The following RBFOX1 variants were observed in gnomAD, a reference collection of about 807,000 sequenced individuals.
The protein encoded by RBFOX1 is RNA binding fox-1 homolog 1, also known as RNA binding protein fox-1 homolog 1.
A neutral mutation model predicts 57.7 loss-of-function variants in RBFOX1; 8 were observed. The ratio of observed to expected loss-of-function variants is 0.14; its 90% CI spans 0.08 to 0.25. The LOEUF is 0.25. Among genes scored for constraint, RBFOX1 ranks in the 10% least tolerant of loss-of-function variants. RBFOX1 has a pLI of 1.00. For synonymous variants in RBFOX1, 326 were observed against 222.4 expected (o/e 1.47, Z -4.15); for missense variants, 611 against 548.5 (o/e 1.11, Z -1.14).
chr16:6,409,976 G>C (rs956884166), intron 2 of RBFOX1, among the ~76,000 whole-genome samples: 12 of 152,064 alleles, frequency 7.9e-5, no homozygotes, highest in Non-Finnish European at 1.8e-4. Flanking sequence ...CACTGCCAGA[G>C]GCTGCTTGCT....
chr16:6,972,975 A>T (rs1327430620), intron 3 of RBFOX1, among the ~76,000 whole-genome samples: 2 of 152,000 alleles, frequency 1.3e-5, no homozygotes, highest in Non-Finnish European at 1.5e-5. Context: ...AATACAAATA[A>T]AAATAGTTAG....
At chr16:6,831,035 AT>A (rs2092671578) in intron 3 of RBFOX1, among the ~76,000 whole-genome samples, 1 of 152,176 alleles carries the variant, frequency 6.6e-6, no homozygotes, top group Admixed American at 6.5e-5. Flanking sequence ...TTCCCAATTG[AT>A]CTCACTCTTT....
At chr16:5,653,416 T>G (rs1301114364) in intron 3 of RBFOX1, among the ~76,000 whole-genome samples, 1 of 145,496 alleles carries the variant, frequency 6.9e-6, no homozygotes, top group Admixed American at 6.8e-5. Context: ...TGTGCTGGGT[T>G]TCTTTGAGGC....
At chr16:5,665,381 C>T (rs1345795970) in intron 3 of RBFOX1, among the ~76,000 whole-genome samples, 3 of 151,008 alleles carry the variant, frequency 2.0e-5, no homozygotes, top group East Asian at 4.0e-4. Flanking sequence ...ATCTTATGGG[C>T]CTTCTCTGGC....
At chr16:5,621,440 G>A (rs182155394) in intron 3 of RBFOX1, among the ~76,000 whole-genome samples, 6 of 152,236 alleles carry the variant, frequency 3.9e-5, no homozygotes, top group African/African-American at 4.8e-5. Context: ...AATTTGTGTC[G>A]TCTTGACAAT....
At chr16:5,864,108 T>C (rs1268453652) in intron 3 of RBFOX1, among the ~76,000 whole-genome samples, 1 of 152,164 alleles carries the variant, frequency 6.6e-6, no homozygotes, top group Non-Finnish European at 1.5e-5. Flanking sequence ...TATGTGTCCA[T>C]GTGCTCTCAT....
At chr16:7,333,605 G>C (rs1281850802) in intron 4 of RBFOX1, among the ~76,000 whole-genome samples, 1 of 152,158 alleles carries the variant, frequency 6.6e-6, no homozygotes, top group Non-Finnish European at 1.5e-5. Context: ...CTCTATTGAT[G>C]GGTAATTTAT....
chr16:6,169,068 G>A (rs570670130), intron 1 of RBFOX1, among the ~76,000 whole-genome samples: 28 of 152,194 alleles, frequency 1.8e-4, no homozygotes, highest in Admixed American at 5.9e-4. Context: ...TTATCACTTC[G>A]TTTAGCCACA....
intron 1 of RBFOX1, among the ~76,000 whole-genome samples, chr16:6,291,170 G>T (rs1325296059): frequency 6.6e-6 from 1 of 152,100 alleles, no homozygotes; most frequent in African/African-American, 2.4e-5. Context: ...ACTGCAACCT[G>T]TTTTATCAGC....
chr16:5,341,032 C>T (rs1314895485), intron 1 of RBFOX1, among the ~76,000 whole-genome samples: 2 of 152,084 alleles, frequency 1.3e-5, no homozygotes, highest in Non-Finnish European at 2.9e-5. Context: ...CCTGTGGATG[C>T]CTAGGAAGAA....
rs143003231 is a variant in RBFOX1, at chr16:7,055,474, C to T, written c.27+3376C>T. ...TTCCGTTGGCCTTTCTTTCCTTCTT[C>T]CAAGATGTCTGCCATCTACCCCATA... On this transcript the variant is annotated intron_variant, in intron 4 of 15. Transcript: ENST00000550418. Among the ~76,000 whole-genome samples, 463 of 152,264 alleles carry T rather than the reference C, an allele frequency of 3.0e-3. 5 individuals carry two copies. The highest frequency in any genetic ancestry group is 4.8e-3 in the Non-Finnish European group (327 of 68,008).
chr16:5,691,850 GAGTTGGGATTCAATCCCCATCC>G (rs1456414576), intron 3 of RBFOX1, among the ~76,000 whole-genome samples: 10 of 152,140 alleles, frequency 6.6e-5, no homozygotes, highest in African/African-American at 1.4e-4. Flanking sequence ...ATAGGTGCCA[GAGTTGGGATTCAATCCCCATCC>G]AGTTGGGATT....
chr16:7,489,695 T>C (rs1002099469), intron 4 of RBFOX1, among the ~76,000 whole-genome samples: 2 of 152,018 alleles, frequency 1.3e-5, no homozygotes, highest in Non-Finnish European at 1.5e-5. Context: ...GTTTTTTATT[T>C]TTTGTAGAGA....
intron 1 of RBFOX1, among the ~76,000 whole-genome samples, chr16:6,148,470 C>T (rs1183703752): frequency 2.0e-5 from 3 of 152,216 alleles, no homozygotes; most frequent in African/African-American, 7.2e-5. Flanking sequence ...ACTCATCCCC[C>T]AGCTACTGGC....
chr16:7,558,953 A>AT lies in RBFOX1; in HGVS notation c.271-20817dup, dbSNP rs538765007. On this transcript the variant is annotated intron_variant, in intron 5 of 15. Coordinates refer to ENST00000550418, the MANE Select transcript of RBFOX1 (RefSeq NM_018723.4). Reference sequence around the variant, plus strand: ...GAACCCCACTGTTACTCTTTTGAAGATTTTTTTCCCTACTTTTAAAATGGC... The same window carrying AT: ...GAACCCCACTGTTACTCTTTTGAAGATTTTTTTTCCCTACTTTTAAAATGGC... 1.1e-4 allele frequency among the ~76,000 whole-genome samples: 17 copies of AT among 152,198 alleles called. No individual in the cohort carries two copies. The East Asian group carries it at 3.3e-3, about 29-fold the overall frequency.
intron 4 of RBFOX1, among the ~76,000 whole-genome samples, chr16:7,217,331 A>C (rs2092277954): frequency 8.4e-6 from 1 of 119,284 alleles, no homozygotes; most frequent in African/African-American, 3.3e-5. Flanking sequence ...GAGTTTTGCC[A>C]AGTTGGCTAG....
At chr16:6,948,279 A>G (rs1296871454) in intron 3 of RBFOX1, among the ~76,000 whole-genome samples, 1 of 152,102 alleles carries the variant, frequency 6.6e-6, no homozygotes, top group Non-Finnish European at 1.5e-5. Context: ...GAAAAACATA[A>G]AATAAAAATT....
chr16:6,994,287 G>A (rs909154941), intron 3 of RBFOX1, among the ~76,000 whole-genome samples: 1 of 152,158 alleles, frequency 6.6e-6, no homozygotes, highest in Non-Finnish European at 1.5e-5. Flanking sequence ...CCGACTTAAT[G>A]AAGCCATCTT....
At chr16:7,310,072 G>T (rs930681925) in intron 4 of RBFOX1, among the ~76,000 whole-genome samples, 12 of 152,210 alleles carry the variant, frequency 7.9e-5, no homozygotes, top group African/African-American at 2.7e-4. Flanking sequence ...CCCTATTGAG[G>T]GCGGCTGTGT....
Sources: allele counts gnomAD v4.1 joint callset (sites outside exome capture counted in the v4.1 genomes callset), GRCh38; gene constraint gnomAD v4.1.1; transcripts MANE v1.5; gene names NCBI Gene and HGNC (gene_info 2026-07-23, HGNC 2026-07-21).